CPNE7: variants seen among roughly 807,000 people sequenced by gnomAD.
CPNE7 encodes the protein copine 7.
Under a neutral mutation model 66.5 loss-of-function variants are expected in CPNE7, and 78 were observed. The observed-to-expected ratio is 1.17, with a 90% confidence interval of 0.98 to 1.42. The LOEUF (loss-of-function observed/expected upper bound fraction) is 1.42, where lower values mean the gene tolerates loss of function less well. CPNE7 is among the 40% of genes most tolerant of loss of function. CPNE7 has a pLI of 0.00. For synonymous variants in CPNE7, 468 were observed against 336.7 expected (o/e 1.39, Z -4.27); for missense variants, 1,012 against 776.6 (o/e 1.30, Z -3.60).
At chr16:89,588,642 C>CCAGCACAGCTCCTGGCT (rs1567962367) in intron 9 of CPNE7, 33 bp from the exon 10 acceptor site, 2 of 1,612,070 alleles carry the variant, frequency 1.2e-6, no homozygotes, top group Non-Finnish European at 1.7e-6. Context: ...GAGCCCCGGC[C>CCAGCACAGCTCCTGGCT]CAGCACAGCT....
At chr16:89,579,061 T>TG in intron 2 of CPNE7, 1 of 1,254,092 alleles carries the variant, frequency 8.0e-7, no homozygotes, top group Non-Finnish European at 1.1e-6. Flanking sequence ...AAGTCCGAGG[T>TG]GGGGGGATCA....
rs929358749 is a variant in CPNE7, at chr16:89,583,321, G to C, written c.358-376G>C. On this transcript the variant is annotated intron_variant, in intron 2 of 14. Transcript: ENST00000319518. ...GCGGGTTCTCACCTGGGCCTGGAGA[G>C]GGTCAGGGCAGCCCTGCTTACCTGT... 3.3e-6 allele frequency: 3 copies of C among 914,504 alleles called. No homozygotes were observed. The East Asian group carries it at 7.9e-5, about 24-fold the overall frequency. 56.6% of individuals were successfully genotyped at this position (914,504 alleles called of 1,614,324 possible). A position where few individuals can be genotyped will look rare whatever the true frequency, so the allele number is the denominator to read the frequency against.
At position 89,577,633 on chromosome 16, in the gene CPNE7, G is replaced by A. The variant is rs1366155112; in HGVS notation, c.269G>A (p.Arg90His). ...DYYFEEVQRL[R>H]FEVYDTHGPS... Reference sequence around the variant, plus strand: ...TACTTCGAGGAGGTGCAGAGGCTGCGCTTTGAGGTGTACGACACGCATGGG... The same window carrying A: ...TACTTCGAGGAGGTGCAGAGGCTGCACTTTGAGGTGTACGACACGCATGGG... The change falls in exon 2 of 15, where the codon CGC becomes CAC. Residue 90 changes from arginine (R) to histidine (H), a missense_variant. Transcript: ENST00000319518. 55 of 1,582,340 alleles carry A rather than the reference G, an allele frequency of 3.5e-5. No homozygotes were observed. Among genetic ancestry groups the A allele is most frequent in the African/African-American group, 5.4e-5 (4 of 74,438 alleles).
intron 2 of CPNE7, 179 bp from the exon 3 acceptor site, chr16:89,583,518 A>C (rs200338413): frequency 2.6e-6 from 4 of 1,564,996 alleles, no homozygotes; most frequent in Non-Finnish European, 3.5e-6. Flanking sequence ...GGCCACACGC[A>C]GGGATGGCAG....
At position 89,585,670 on chromosome 16, in the gene CPNE7, A is replaced by C. The variant is rs770126966; in HGVS notation, c.682-17A>C. ...GGGCCCCCAGACAGCAGTGCTGAGG[A>C]GGACTGGGCTCCCCAGTGCCTGGTC... On this transcript the variant is annotated splice_polypyrimidine_tract_variant and intron_variant, in intron 6 of 14. Transcript: ENST00000319518. 6.4e-7 allele frequency: 1 copy of C among 1,553,032 alleles called. No homozygotes were observed. Among genetic ancestry groups the C allele is most frequent in the Non-Finnish European group, 8.7e-7 (1 of 1,147,296 alleles).
chr16:89,595,946 C>G, intron 14 of CPNE7: 1 of 522,336 alleles, frequency 1.9e-6, no homozygotes, highest in Non-Finnish European at 3.7e-6. Flanking sequence ...CCCGCCGAGA[C>G]ACACACAGCA....
chr16:89,581,705 G>A (rs1286470499), intron 2 of CPNE7, among the ~76,000 whole-genome samples: 1 of 152,168 alleles, frequency 6.6e-6, no homozygotes, highest in Non-Finnish European at 1.5e-5. Context: ...AGTGCAGTGG[G>A]ACAGTCACAG....
chr16:89,588,916 G>A, intron 10 of CPNE7, 108 bp downstream of exon 10: 1 of 1,420,362 alleles, frequency 7.0e-7, no homozygotes, highest in Non-Finnish European at 9.6e-7. Flanking sequence ...GCTATGACAG[G>A]TGCACCCGGC....
intron 2 of CPNE7, among the ~76,000 whole-genome samples, chr16:89,578,616 C>T (rs1186436782): frequency 5.9e-5 from 9 of 151,410 alleles, no homozygotes; most frequent in South Asian, 2.1e-4. Context: ...AATAATTAGC[C>T]GGGCATGGTG....
chr16:89,593,216 A>G (rs2059202625), intron 13 of CPNE7, among the ~76,000 whole-genome samples: 1 of 152,096 alleles, frequency 6.6e-6, no homozygotes, highest in South Asian at 2.1e-4. Flanking sequence ...TGGGAACCCT[A>G]TATCTGTTTG....
intron 13 of CPNE7, among the ~76,000 whole-genome samples, chr16:89,594,543 T>C (rs1359532852): frequency 6.6e-6 from 1 of 152,024 alleles, no homozygotes; most frequent in Non-Finnish European, 1.5e-5. Context: ...CGAGCCCTGC[T>C]TCTCTTTATG....
In CPNE7 at chr16:89,591,023, C is replaced by G; in HGVS notation, c.1133C>G (p.Ala378Gly). 6.2e-7 allele frequency: 1 copy of G among 1,613,706 alleles called. No homozygotes were observed. The highest frequency in any genetic ancestry group is 8.5e-7 in the Non-Finnish European group (1 of 1,179,878). The change falls in exon 12 of 15, where the codon GCC becomes GGC. Residue 378 changes from alanine to glycine, a missense_variant. Transcript: ENST00000319518. ...CCCACCCAGGTGTCCCATGACTTTG[C>G]CATCAATTTCAACCCTGAGGACGAT... is the stretch of plus-strand genomic sequence containing the variant. ...PPKYEVSHDF[A>G]INFNPEDDEC...
At chr16:89,595,676 C>G (rs2059243810) in intron 14 of CPNE7, 73 bp downstream of exon 14, 9 of 1,333,356 alleles carry the variant, frequency 6.7e-6, no homozygotes, top group Middle Eastern at 1.9e-4. Flanking sequence ...AAGACCTTCC[C>G]AGGCCAGGCT....
chr16:89,582,521 G>A lies in CPNE7; in HGVS notation c.358-1176G>A, dbSNP rs371766495. ...GTGAGGCAGAGGCCCTGGCTCAGGA[G>A]CCCCAGAAGGAAACCTTTGAATCAG... On this transcript the variant is annotated intron_variant, in intron 2 of 14. Transcript: ENST00000319518. 5.6e-4 allele frequency among the ~76,000 whole-genome samples: 86 copies of A among 152,284 alleles called. 1 individual carries two copies. In the East Asian group the frequency reaches 7.9e-3, roughly 14 times the overall value.
rs374048632 is a variant in CPNE7 at position 89,584,157 on chromosome 16, G to A, written c.507+55G>A. On this transcript the variant is annotated intron_variant, in intron 4 of 14. Coordinates refer to ENST00000319518, the MANE Select transcript of CPNE7 (RefSeq NM_153636.3). The surrounding 1 kb of genome is among the most constrained non-coding windows in gnomAD (Gnocchi z 6.0). ...CAGGCTGAGGTCCGGGAACCGGTTC[G>A]AAAACCCGGTCCCTGCCCAGCGCTG... The A allele has an allele frequency of 9.0e-5, 140 of 1,558,582 alleles. No homozygotes were observed. Among genetic ancestry groups the A allele is most frequent in the African/African-American group, 1.2e-4 (9 of 73,046 alleles).
At position 89,577,665 on chromosome 16, in the gene CPNE7, G is replaced by A. The variant is rs151180960; in HGVS notation, c.301G>A (p.Gly101Ser). The A allele has an allele frequency of 1.8e-5, 29 of 1,599,156 alleles. No individual in the cohort carries two copies. Among genetic ancestry groups the A allele is most frequent in the South Asian group, 1.6e-4 (14 of 88,260 alleles). ...GGTGTACGACACGCATGGGCCCAGC[G>A]GCTTCAGCTGTCAGGAGGACGATTT... ...FEVYDTHGPS[G>S]FSCQEDDFLG... Residue 101 changes from glycine to serine, a missense_variant, in exon 2 of 15, where the codon GGC (glycine) becomes AGC (serine). Gly to Ser is a moderately conservative substitution (Grantham distance 56). Transcript: ENST00000319518.
chr16:89,586,648 C>G, intron 7 of CPNE7, 22 bp from the exon 8 acceptor site: 1 of 1,596,970 alleles, frequency 6.3e-7, no homozygotes, highest in Non-Finnish European at 8.6e-7. Flanking sequence ...CTCTGGGGGG[C>G]CTCTGCTTGT....
rs201715344 is a variant in CPNE7 at position 89,595,634 on chromosome 16, C to T, written c.1539+31C>T. On this transcript the variant is annotated intron_variant, in intron 14 of 14. Transcript: ENST00000319518. ...TGTCCTGGAGGGGCTCCGTCAAGGC[C>T]GGCTTGGGGGTCCCTGTTCATGTCA... is the stretch of plus-strand genomic sequence containing the variant. 2.6e-4 allele frequency: 414 copies of T among 1,564,244 alleles called. 4 individuals are homozygous for T. Among genetic ancestry groups the T allele is most frequent in the African/African-American group, 4.0e-5 (3 of 74,156 alleles).
chr16:89,582,480 C>G (rs1232880335), intron 2 of CPNE7, among the ~76,000 whole-genome samples: 1 of 152,254 alleles, frequency 6.6e-6, no homozygotes, highest in East Asian at 1.9e-4. Context: ...ACCAGGCCGG[C>G]AGGCGAGTCC....
Sources: allele counts gnomAD v4.1 joint callset (sites outside exome capture counted in the v4.1 genomes callset), GRCh38; gene constraint gnomAD v4.1.1; non-coding constraint Gnocchi (gnomAD v3.1); transcripts MANE v1.5; gene names NCBI Gene and HGNC (gene_info 2026-07-23, HGNC 2026-07-21).